The following MAP3K5 variants were observed in gnomAD, a reference collection of about 807,000 sequenced individuals.
MAP3K5 encodes mitogen-activated protein kinase kinase kinase 5.
Under a neutral mutation model 158.7 loss-of-function variants are expected in MAP3K5, and 56 were observed. That is an observed-to-expected ratio of 0.35 (90% CI 0.28 to 0.44). The LOEUF (loss-of-function observed/expected upper bound fraction) is 0.44, where lower values mean the gene tolerates loss of function less well. Among genes scored for constraint, MAP3K5 ranks in the 20% least tolerant of loss-of-function variants. MAP3K5 has a pLI of 1.00. For synonymous variants in MAP3K5, 579 were observed against 601.7 expected (o/e 0.96, Z 0.55); for missense variants, 1,294 against 1,674.8 (o/e 0.77, Z 3.97).
chr6:136,589,291 T>C (rs1162587385), intron 23 of MAP3K5, among the ~76,000 whole-genome samples: 1 of 152,132 alleles, frequency 6.6e-6, no homozygotes, highest in Non-Finnish European at 1.5e-5. Flanking sequence ...CTATGTGCAG[T>C]AGTCCACAGT....
intron 1 of MAP3K5, among the ~76,000 whole-genome samples, chr6:136,790,503 A>C (rs772278043): frequency 6.6e-6 from 1 of 152,216 alleles, no homozygotes; most frequent in African/African-American, 2.4e-5. Flanking sequence ...TGAAGACCAA[A>C]ACTATTTTAA....
intron 11 of MAP3K5, among the ~76,000 whole-genome samples, chr6:136,645,258 C>T (rs997857784): frequency 4.6e-5 from 7 of 152,130 alleles, no homozygotes; most frequent in African/African-American, 9.7e-5. Context: ...TATGAAATAC[C>T]ATTTCTTTAT....
intron 26 of MAP3K5, among the ~76,000 whole-genome samples, chr6:136,565,982 G>T (rs1774087513): frequency 6.6e-6 from 1 of 152,152 alleles, no homozygotes; most frequent in Non-Finnish European, 1.5e-5. Flanking sequence ...AAGAAATGTG[G>T]GTAAATACTA....
chr6:136,776,771 T>G (rs1784417956), intron 1 of MAP3K5, among the ~76,000 whole-genome samples: 1 of 152,198 alleles, frequency 6.6e-6, no homozygotes, highest in Non-Finnish European at 1.5e-5. Context: ...AATGGTCCTG[T>G]AAGTTAAATG....
chr6:136,719,491 C>A (rs1444687714), intron 2 of MAP3K5, among the ~76,000 whole-genome samples: 1 of 152,192 alleles, frequency 6.6e-6, no homozygotes, highest in African/African-American at 2.4e-5. Context: ...CTGTCAATCA[C>A]CAGCACAATG....
intron 8 of MAP3K5, among the ~76,000 whole-genome samples, chr6:136,662,461 C>T (rs534274877): frequency 9.2e-5 from 14 of 152,270 alleles, no homozygotes; most frequent in African/African-American, 3.4e-4. Context: ...GAGTTAAGAA[C>T]ATGGCTCTAA....
chr6:136,693,452 C>A (rs1328249821), intron 7 of MAP3K5, among the ~76,000 whole-genome samples: 1 of 152,068 alleles, frequency 6.6e-6, no homozygotes, highest in Non-Finnish European at 1.5e-5. Flanking sequence ...AAAACCCCTG[C>A]TGGGGGGAAT....
intron 10 of MAP3K5, among the ~76,000 whole-genome samples, chr6:136,654,036 G>T (rs1398993856): frequency 6.6e-6 from 1 of 152,194 alleles, no homozygotes; most frequent in Non-Finnish European, 1.5e-5. Context: ...GAAGGAAATG[G>T]ATTGCTGAGA....
intron 10 of MAP3K5, among the ~76,000 whole-genome samples, chr6:136,655,232 G>C (rs750633074): frequency 6.6e-6 from 1 of 152,176 alleles, no homozygotes; most frequent in Non-Finnish European, 1.5e-5. Context: ...TGAATTCTAT[G>C]TTCTCTTCTT....
At chr6:136,723,795 T>C (rs1781842138) in intron 1 of MAP3K5, among the ~76,000 whole-genome samples, 1 of 152,148 alleles carries the variant, frequency 6.6e-6, no homozygotes, top group Non-Finnish European at 1.5e-5. Context: ...GTTTATGAAA[T>C]GGGAAGACAG....
intron 1 of MAP3K5, among the ~76,000 whole-genome samples, chr6:136,722,632 T>C (rs1781789668): frequency 1.3e-5 from 2 of 151,760 alleles, no homozygotes; most frequent in African/African-American, 4.8e-5. Context: ...TGACACTCTT[T>C]TATGCTGTGG....
Position 136,613,353 on chromosome 6 carries a change from G to T in MAP3K5, c.2279-97C>A. ...CAGTAATTTAAGCTAACAGTCATTG[G>T]TTCTTCACAGTGGCCCAGGAGCTAT... On this transcript the variant is annotated intron_variant, in intron 16 of 29. Coordinates refer to ENST00000359015, the MANE Select transcript of MAP3K5 (RefSeq NM_005923.4). The surrounding 1 kb of genome is among the most constrained non-coding windows in gnomAD (Gnocchi z 4.0). 2 of 1,062,322 alleles carry T rather than the reference G, an allele frequency of 1.9e-6. No individual in the cohort carries two copies. The highest frequency in any genetic ancestry group is 2.6e-6 in the Non-Finnish European group (2 of 755,114). The allele number at this position is 1,062,322 out of a possible 1,614,324, so 65.8% of individuals were successfully genotyped here.
chr6:136,748,448 C>T (rs1783056236), intron 1 of MAP3K5, among the ~76,000 whole-genome samples: 1 of 151,916 alleles, frequency 6.6e-6, no homozygotes, highest in Admixed American at 6.6e-5. Flanking sequence ...GGTTAAAATC[C>T]CCCAAAATGT....
chr6:136,778,622 T>G, intron 1 of MAP3K5, among the ~76,000 whole-genome samples: 1 of 152,226 alleles, frequency 6.6e-6, no homozygotes, highest in South Asian at 2.1e-4. Context: ...ATGCCTGTAA[T>G]CATGATAGTA....
At chr6:136,702,693 T>TTTG (rs908917847) in intron 3 of MAP3K5, among the ~76,000 whole-genome samples, 10 of 152,078 alleles carry the variant, frequency 6.6e-5, no homozygotes, top group Non-Finnish European at 1.5e-4. Flanking sequence ...TCTAATTCAT[T>TTTG]TTGTTGTTGT....
At chr6:136,732,495 A>C (rs1782271613) in intron 1 of MAP3K5, among the ~76,000 whole-genome samples, 1 of 152,284 alleles carries the variant, frequency 6.6e-6, no homozygotes, top group Non-Finnish European at 1.5e-5. Context: ...AAGACAAGGA[A>C]GTGATGAGGT....
intron 18 of MAP3K5, 124 bp downstream of exon 18, chr6:136,611,158 G>GA (rs1776327416): frequency 5.8e-6 from 1 of 172,142 alleles, no homozygotes; most frequent in Non-Finnish European, 1.2e-5. Flanking sequence ...AGAAAAGAAA[G>GA]AAAAAAGATA....
At chr6:136,642,050 TAAAATAAAATA>T (rs1777992584) in intron 12 of MAP3K5, among the ~76,000 whole-genome samples, 1 of 130,908 alleles carries the variant, frequency 7.6e-6, no homozygotes, top group African/African-American at 3.3e-5. Context: ...TAAAATAAAA[TAAAATAAAATA>T]AAATAAAATA....
At position 136,609,792 on chromosome 6, in the gene MAP3K5, C is replaced by T. The variant is rs1776251836; in HGVS notation, c.2521+1490G>A. ...CCTGGGTTACAGAGCGAGAACCCAT[C>T]TCAAAAGAAAAAACAAAAACAAAAA... On this transcript the variant is annotated intron_variant, in intron 18 of 29. Coordinates refer to ENST00000359015, the MANE Select transcript of MAP3K5 (RefSeq NM_005923.4). This position sits in a 1 kb window ranked among gnomAD's most constrained non-coding sequence, Gnocchi z 4.4. Among the ~76,000 whole-genome samples the T allele has an allele frequency of 2.0e-5, 3 of 151,036 alleles. No individual in the cohort carries two copies. In the South Asian group the frequency reaches 6.3e-4, roughly 32 times the overall value.
Sources: allele counts gnomAD v4.1 joint callset (sites outside exome capture counted in the v4.1 genomes callset), GRCh38; gene constraint gnomAD v4.1.1; non-coding constraint Gnocchi (gnomAD v3.1); transcripts MANE v1.5; gene names NCBI Gene and HGNC (gene_info 2026-07-23, HGNC 2026-07-21).